Variants in GUCY1A2 observed in about 807,000 individuals in gnomAD.
The protein encoded by GUCY1A2 is guanylate cyclase soluble subunit alpha-2.
Under a neutral mutation model 63.5 loss-of-function variants are expected in GUCY1A2, and 27 were observed. The ratio of observed to expected loss-of-function variants is 0.43; its 90% CI spans 0.31 to 0.59. GUCY1A2 has a LOEUF of 0.59. Ranked by LOEUF, GUCY1A2 falls within the 20% of genes least tolerant of loss-of-function variation. The pLI is 0.11. For missense variants in GUCY1A2, 768 were observed against 913.3 expected (o/e 0.84, Z 2.05); for synonymous variants, 364 against 343.5 (o/e 1.06, Z -0.66).
chr11:106,859,555 TCAGA>T (rs1399328863), intron 4 of GUCY1A2, among the ~76,000 whole-genome samples: 1 of 151,986 alleles, frequency 6.6e-6, no homozygotes, highest in African/African-American at 2.4e-5. Flanking sequence ...TAAGTACTAG[TCAGA>T]CAGATTCCTG....
intron 4 of GUCY1A2, among the ~76,000 whole-genome samples, chr11:106,932,163 A>G (rs765645100): frequency 1.3e-5 from 2 of 152,204 alleles, no homozygotes; most frequent in Non-Finnish European, 1.5e-5. Context: ...AACCTTTAAT[A>G]GAACTAAATA....
At chr11:106,889,738 C>T (rs1039702481) in intron 4 of GUCY1A2, among the ~76,000 whole-genome samples, 5 of 152,182 alleles carry the variant, frequency 3.3e-5, no homozygotes, top group African/African-American at 1.2e-4. Context: ...CAGTCAACTA[C>T]ATATTGTGCA....
chr11:106,897,871 T>C (rs954011577), intron 4 of GUCY1A2, among the ~76,000 whole-genome samples: 1 of 151,878 alleles, frequency 6.6e-6, no homozygotes, highest in Non-Finnish European at 1.5e-5. Flanking sequence ...TCATTAAAAT[T>C]AAAAATCTAT....
At chr11:107,015,685 ATAAC>A (rs1418663632) in intron 1 of GUCY1A2, among the ~76,000 whole-genome samples, 1 of 151,718 alleles carries the variant, frequency 6.6e-6, no homozygotes, top group African/African-American at 2.4e-5. Context: ...GTTGTACTAA[ATAAC>A]TATTTTATTG....
chr11:106,951,818 A>G (rs533318115), intron 3 of GUCY1A2, among the ~76,000 whole-genome samples: 1 of 152,316 alleles, frequency 6.6e-6, no homozygotes, highest in Admixed American at 6.5e-5. Flanking sequence ...GCCCATGCCA[A>G]TGTCCTGAAT....
At chr11:106,706,488 A>C (rs946102516) in intron 7 of GUCY1A2, among the ~76,000 whole-genome samples, 13 of 151,834 alleles carry the variant, frequency 8.6e-5, no homozygotes, top group Admixed American at 2.0e-4. Flanking sequence ...AACTGTGAAA[A>C]AGACTACAAA....
At chr11:106,707,053 C>T (rs1317391642) in intron 7 of GUCY1A2, among the ~76,000 whole-genome samples, 1 of 152,076 alleles carries the variant, frequency 6.6e-6, no homozygotes, top group African/African-American at 2.4e-5. Context: ...CTGTGAGGCC[C>T]TCAAAATCTC....
intron 6 of GUCY1A2, among the ~76,000 whole-genome samples, chr11:106,760,231 A>G (rs1864042517): frequency 6.6e-6 from 1 of 152,170 alleles, no homozygotes; most frequent in African/African-American, 2.4e-5. Context: ...AATATACTCA[A>G]AATAGACTGG....
At chr11:106,784,514 A>G (rs944614215) in intron 5 of GUCY1A2, among the ~76,000 whole-genome samples, 1 of 152,096 alleles carries the variant, frequency 6.6e-6, no homozygotes, top group Admixed American at 6.5e-5. Flanking sequence ...AACTGAGGAA[A>G]AAGGGGCTCC....
In GUCY1A2 at chr11:106,725,419, G is replaced by A. The variant is rs1428769212; in HGVS notation, c.1837-16753C>T. On this transcript the variant is annotated intron_variant, in intron 6 of 7. Transcript: ENST00000526355. The stretch of plus-strand genomic sequence containing the variant: ...GATCTCCTGACCTCGTGATCCGCCC[G>A]CCTCGGCCTCCCAAAGTGCGACATA... Among the ~76,000 whole-genome samples the A allele has an allele frequency of 1.9e-4, 9 of 47,196 alleles. 3 individuals are homozygous for A. The highest frequency in any genetic ancestry group is 3.5e-4 in the Non-Finnish European group (7 of 19,806). 31.0% of individuals were successfully genotyped at this position (47,196 alleles called of 152,430 possible).
At position 106,680,136 on chromosome 11, in the gene GUCY1A2, C is replaced by T; in HGVS notation, c.*7413G>A. The T allele has an allele frequency of 4.7e-6, 1 of 214,818 alleles. No individual in the cohort carries two copies. The highest frequency in any genetic ancestry group is 2.3e-5 in the African/African-American group (1 of 44,398). The allele number at this position is 214,818 out of a possible 1,614,324, so 13.3% of individuals were successfully genotyped here. A position where few individuals can be genotyped will look rare whatever the true frequency, so the allele number is the denominator to read the frequency against. On this transcript the variant is annotated 3_prime_UTR_variant, in exon 8 of 8. Coordinates refer to ENST00000526355, the MANE Select transcript of GUCY1A2 (RefSeq NM_000855.3). ...CTTCATCTCTTCTAAAGCTCCTGCC[C>T]ACCTCACTCACTCCATTTGTCCCTT...
At chr11:106,790,084 C>T (rs1461019740) in intron 5 of GUCY1A2, among the ~76,000 whole-genome samples, 1 of 152,220 alleles carries the variant, frequency 6.6e-6, no homozygotes, top group Non-Finnish European at 1.5e-5. Context: ...GTATCCTTTG[C>T]TTCACTGCAG....
chr11:106,857,578 G>A (rs1053242052), intron 4 of GUCY1A2, among the ~76,000 whole-genome samples: 7 of 152,054 alleles, frequency 4.6e-5, no homozygotes, highest in Admixed American at 1.3e-4. Flanking sequence ...CTCTATTGTA[G>A]GTCACCTTGC....
chr11:106,873,315 T>G (rs1370783329), intron 4 of GUCY1A2, among the ~76,000 whole-genome samples: 1 of 152,206 alleles, frequency 6.6e-6, no homozygotes, highest in Non-Finnish European at 1.5e-5. Context: ...AAATGGTACT[T>G]CTGGTTCTAG....
At chr11:106,981,398 A>G (rs1366912095) in intron 2 of GUCY1A2, among the ~76,000 whole-genome samples, 2 of 151,930 alleles carry the variant, frequency 1.3e-5, no homozygotes, top group African/African-American at 2.4e-5. Context: ...TTAGATGACT[A>G]TAAGAATTGG....
chr11:106,909,839 C>T (rs966731834), intron 4 of GUCY1A2, among the ~76,000 whole-genome samples: 3 of 151,930 alleles, frequency 2.0e-5, no homozygotes, highest in African/African-American at 7.2e-5. Flanking sequence ...TTTGTATGAT[C>T]ATAAGTTCTT....
chr11:106,710,128 TTATATATATAATA>T (rs1403744489), intron 6 of GUCY1A2, among the ~76,000 whole-genome samples: 1 of 28,958 alleles, frequency 3.5e-5, no homozygotes, highest in African/African-American at 2.2e-4. Flanking sequence ...TATAATATAG[TTATATATATAATA>T]TATAGTTATA....
intron 6 of GUCY1A2, among the ~76,000 whole-genome samples, chr11:106,709,326 TTATATAAATA>T (rs1319582569): frequency 1.6e-5 from 1 of 61,672 alleles, no homozygotes; most frequent in Non-Finnish European, 2.5e-5. Context: ...TTTATATATA[TTATATAAATA>T]TATATAAATT....
intron 5 of GUCY1A2, among the ~76,000 whole-genome samples, chr11:106,789,121 G>A (rs1327575920): frequency 6.6e-6 from 1 of 152,002 alleles, no homozygotes. Flanking sequence ...TTGAATCAAT[G>A]TTATATACCT....
Sources: gnomAD v4.1 joint callset for allele counts (sites outside exome capture counted in the v4.1 genomes callset) on GRCh38, gnomAD v4.1.1 for gene constraint, MANE v1.5 for transcripts, NCBI Gene and HGNC (gene_info 2026-07-23, HGNC 2026-07-21) for gene names.